The following CDH13 variants were observed in gnomAD, a reference collection of about 807,000 sequenced individuals.
CDH13 encodes cadherin 13.
CDH13 carries 24 observed loss-of-function variants against 63.8 expected under a neutral mutation model. The observed-to-expected ratio is 0.38, with a 90% confidence interval of 0.27 to 0.53. CDH13 has a LOEUF of 0.53. Ranked by LOEUF, CDH13 falls within the 20% of genes least tolerant of loss-of-function variation. The probability of loss-of-function intolerance (pLI) is 0.85; values close to 1 mark genes in which losing one functional copy is unlikely to be tolerated. For synonymous variants in CDH13, 503 were observed against 355.3 expected, an observed-to-expected ratio of 1.42 and a Z score of -4.67; for missense variants, 1,049 against 903.1, an observed-to-expected ratio of 1.16 and a Z score of -2.07.
chr16:82,671,446 T>G (rs980773974), intron 1 of CDH13, among the ~76,000 whole-genome samples: 1 of 152,234 alleles, frequency 6.6e-6, no homozygotes, highest in Non-Finnish European at 1.5e-5. Context: ...AAATCACATT[T>G]ATACACATGT....
intron 3 of CDH13, among the ~76,000 whole-genome samples, chr16:83,095,945 A>G (rs544840693): frequency 1.3e-5 from 2 of 152,218 alleles, no homozygotes; most frequent in Non-Finnish European, 2.9e-5. Context: ...GGATCTGTTC[A>G]AGTTCACCGG....
intron 4 of CDH13, among the ~76,000 whole-genome samples, chr16:83,165,124 CTGTAAGAAT>C (rs1366635070): frequency 2.0e-5 from 3 of 151,680 alleles, no homozygotes; most frequent in South Asian, 2.1e-4. Context: ...AGGGGTTGTC[CTGTAAGAAT>C]TTAGGAATCC....
chr16:83,674,624 G>C (rs997257224), intron 9 of CDH13, among the ~76,000 whole-genome samples: 2 of 152,218 alleles, frequency 1.3e-5, no homozygotes, highest in East Asian at 3.9e-4. Context: ...AAGCAGGTCT[G>C]CCCTAACCAG....
At chr16:83,480,051 G>A (rs113758597) in intron 6 of CDH13, among the ~76,000 whole-genome samples, 1,859 of 152,290 alleles carry the variant, frequency 0.012, 29 homozygotes, top group African/African-American at 0.041. Context: ...GAGGTGGGGC[G>A]TGATGGCTCA....
chr16:83,518,263 C>T (rs944731069), intron 7 of CDH13, among the ~76,000 whole-genome samples: 6 of 151,820 alleles, frequency 4.0e-5, no homozygotes, highest in African/African-American at 7.3e-5. Context: ...CCTGCCTCAG[C>T]CTCCCAAGTA....
intron 4 of CDH13, among the ~76,000 whole-genome samples, chr16:83,207,245 A>C (rs1184701608): frequency 6.6e-6 from 1 of 152,104 alleles, no homozygotes; most frequent in Non-Finnish European, 1.5e-5. Flanking sequence ...CTAACTCCCC[A>C]TTCACTGCCT....
At chr16:83,557,317 A>C (rs942966035) in intron 7 of CDH13, among the ~76,000 whole-genome samples, 1 of 152,192 alleles carries the variant, frequency 6.6e-6, no homozygotes, top group Non-Finnish European at 1.5e-5. Context: ...TTCATTATAC[A>C]TTAGAATGTA....
intron 6 of CDH13, among the ~76,000 whole-genome samples, chr16:83,472,243 G>T (rs1382619586): frequency 4.6e-5 from 7 of 152,186 alleles, no homozygotes; most frequent in Admixed American, 1.3e-4. Flanking sequence ...TGAAACTGGG[G>T]ACTCTGTCTC....
intron 1 of CDH13, among the ~76,000 whole-genome samples, chr16:82,814,613 A>C (rs182695209): frequency 2.0e-5 from 3 of 152,240 alleles, no homozygotes; most frequent in Middle Eastern, 6.8e-3. Context: ...ACCTTTCCCT[A>C]TGCATCTCTT....
intron 1 of CDH13, among the ~76,000 whole-genome samples, chr16:82,742,801 A>G (rs560201489): frequency 5.1e-4 from 78 of 152,322 alleles, no homozygotes; most frequent in Admixed American, 1.5e-3. Flanking sequence ...AATAGAAACT[A>G]TCCATCATGT....
At chr16:82,770,166 C>T (rs2035208141) in intron 1 of CDH13, among the ~76,000 whole-genome samples, 1 of 152,218 alleles carries the variant, frequency 6.6e-6, no homozygotes, top group South Asian at 2.1e-4. Flanking sequence ...GTGATTTGGT[C>T]TTATTAGAAA....
At chr16:83,329,479 T>G (rs1023536289) in intron 5 of CDH13, among the ~76,000 whole-genome samples, 10 of 151,924 alleles carry the variant, frequency 6.6e-5, no homozygotes, top group African/African-American at 2.2e-4. Context: ...TCAGGTGATG[T>G]GGCCACCTCG....
At chr16:83,342,617 T>A (rs544108641) in intron 5 of CDH13, among the ~76,000 whole-genome samples, 1 of 152,218 alleles carries the variant, frequency 6.6e-6, no homozygotes, top group Non-Finnish European at 1.5e-5. Context: ...GTATTCATCC[T>A]AATCAATGGT....
intron 8 of CDH13, among the ~76,000 whole-genome samples, chr16:83,659,152 A>T (rs1913200051): frequency 1.4e-5 from 2 of 142,014 alleles, no homozygotes; most frequent in African/African-American, 5.3e-5. Flanking sequence ...GCAAGGTCCC[A>T]TGTCCTCACC....
At chr16:83,132,093 A>G (rs942292087) in intron 4 of CDH13, among the ~76,000 whole-genome samples, 1 of 152,138 alleles carries the variant, frequency 6.6e-6, no homozygotes, top group Non-Finnish European at 1.5e-5. Flanking sequence ...AAGGAGTCTG[A>G]TAGTCTTGGA....
At chr16:83,234,859 G>T (rs974078174) in intron 5 of CDH13, among the ~76,000 whole-genome samples, 1 of 152,060 alleles carries the variant, frequency 6.6e-6, no homozygotes, top group Non-Finnish European at 1.5e-5. Flanking sequence ...ACAAACCCAC[G>T]TCCTCCCCTC....
chr16:82,901,073 ATTT>A (rs35002469), intron 2 of CDH13, among the ~76,000 whole-genome samples: 3,760 of 144,708 alleles, frequency 0.026, 68 homozygotes, highest in South Asian at 0.074. Flanking sequence ...ATGTATATTG[ATTT>A]TTTTTTTTTT....
Position 83,123,467 on chromosome 16 carries a change from C to T in CDH13, c.367-1918C>T, listed in dbSNP as rs192089733. 7.5e-3 allele frequency among the ~76,000 whole-genome samples: 1,136 copies of T among 151,976 alleles called. 6 individuals carry two copies. The highest frequency in any genetic ancestry group is 0.011 in the Non-Finnish European group (774 of 67,968). The stretch of plus-strand genomic sequence containing the variant: ...GCTAATTTTGTATTTTTAGTAGAGA[C>T]GAGGTTTCTCCATGTTGGTCAGGCT... On this transcript the variant is annotated intron_variant, in intron 3 of 13. Coordinates refer to ENST00000567109, the MANE Select transcript of CDH13 (RefSeq NM_001257.5).
chr16:82,985,534 G>T (rs1362949635), intron 2 of CDH13, among the ~76,000 whole-genome samples: 1 of 152,062 alleles, frequency 6.6e-6, no homozygotes, highest in South Asian at 2.1e-4. Flanking sequence ...TCTCACTCAG[G>T]CCCTACAGAG....
Sources: allele counts gnomAD v4.1 joint callset (sites outside exome capture counted in the v4.1 genomes callset), GRCh38; gene constraint gnomAD v4.1.1; transcripts MANE v1.5; gene names NCBI Gene and HGNC (gene_info 2026-07-23, HGNC 2026-07-21).